The following OR4D1 variants were observed in gnomAD, a reference collection of about 807,000 sequenced individuals.
OR4D1 encodes the protein olfactory receptor family 4 subfamily D member 1.
Under a neutral mutation model 14.2 loss-of-function variants are expected in OR4D1, and 10 were observed. The observed-to-expected ratio is 0.71, with a 90% CI of 0.44 to 1.20. The LOEUF (loss-of-function observed/expected upper bound fraction) is 1.20, where lower values mean the gene tolerates loss of function less well. OR4D1 is among the 50% of genes most tolerant of loss of function. The probability of loss-of-function intolerance (pLI) is 0.00; values close to 1 mark genes in which losing one functional copy is unlikely to be tolerated. For missense variants in OR4D1, 345 were observed against 376.6 expected (o/e 0.92, Z 0.70); for synonymous variants, 141 against 147.4 (o/e 0.96, Z 0.32).
rs753056210 is a variant in OR4D1 at position 58,155,940 on chromosome 17, A to G, written c.787A>G (p.Thr263Ala). 5 of 1,613,544 alleles carry G rather than the reference A, an allele frequency of 3.1e-6. No homozygotes were observed. The highest frequency in any genetic ancestry group is 4.2e-6 in the Non-Finnish European group (5 of 1,179,916). Reference sequence around the variant, plus strand: ...TATCTATATCTATACCTGGCCCTTCACCCCATTCCTCATGGACAAGGCTGT... The same window carrying G: ...TATCTATATCTATACCTGGCCCTTCGCCCCATTCCTCATGGACAAGGCTGT... ...PCIYIYTWPF[T>A]PFLMDKAVSI... The change falls in exon 4 of 4, where the codon ACC becomes GCC. Residue 263 changes from threonine to alanine, a missense_variant. Coordinates refer to ENST00000268912, the MANE Select transcript of OR4D1 (RefSeq NM_001386095.1).
Position 58,157,304 on chromosome 17 carries a change from C to T in OR4D1, c.*1218C>T. 1 of 1,507,156 alleles carries T rather than the reference C, an allele frequency of 6.6e-7. No individual in the cohort carries two copies. The allele number at this position is 1,507,156 out of a possible 1,614,324, so 93.4% of individuals were successfully genotyped here. On this transcript the variant is annotated 3_prime_UTR_variant, in exon 4 of 4. Transcript: ENST00000268912. ...CGCTGATCAAGCCCTTCGAGACCGC[C>T]TCGGTCAAGTGGGAAAACTCCCTAA...
chr17:58,157,019 A>C lies in OR4D1; in HGVS notation c.*933A>C. On this transcript the variant is annotated 3_prime_UTR_variant, in exon 4 of 4. Transcript: ENST00000268912. ...GGGAGCTACGTAGGGCAGGGAAGGC[A>C]TGGCTTCTGTTTTCGTCCAATGAGA... The C allele has an allele frequency of 3.2e-6, 3 of 942,654 alleles. No homozygotes were observed. The highest frequency in any genetic ancestry group is 1.6e-6 in the Non-Finnish European group (1 of 611,394). 58.4% of individuals were successfully genotyped at this position (942,654 alleles called of 1,614,324 possible).
In OR4D1 at chr17:58,157,683, C is replaced by G. The variant is rs1967794167; in HGVS notation, c.*1597C>G. 1 of 1,613,790 alleles carries G rather than the reference C, an allele frequency of 6.2e-7. No homozygotes were observed. The highest frequency in any genetic ancestry group is 8.5e-7 in the Non-Finnish European group (1 of 1,179,834). ...TTCAGTCTCCCTTTCCCCATCAGCTCGCCCCTGCAGGCAGCGTCCATATAC... is the reference window on the plus strand; with the variant it reads ...TTCAGTCTCCCTTTCCCCATCAGCTGGCCCCTGCAGGCAGCGTCCATATAC... On this transcript the variant is annotated 3_prime_UTR_variant, in exon 4 of 4. Coordinates refer to ENST00000268912, the MANE Select transcript of OR4D1 (RefSeq NM_001386095.1).
rs1346032113 is a variant in OR4D1 at position 58,158,696 on chromosome 17, G to A, written c.*2610G>A. On this transcript the variant is annotated 3_prime_UTR_variant, in exon 4 of 4. Coordinates refer to ENST00000268912, the MANE Select transcript of OR4D1 (RefSeq NM_001386095.1). ...AATACTAGGTACTTTCATCCTCACA[G>A]ATTGCAAAGATTATTTGGGTGGGGG... is the stretch of plus-strand genomic sequence containing the variant. 6.6e-6 allele frequency: 1 copy of A among 152,098 alleles called. No homozygotes were observed. Among genetic ancestry groups the A allele is most frequent in the Non-Finnish European group, 1.5e-5 (1 of 68,014 alleles). The allele number at this position is 152,098 out of a possible 1,614,324, so 9.4% of individuals were successfully genotyped here. A position where few individuals can be genotyped will look rare whatever the true frequency, so the allele number is the denominator to read the frequency against.
Position 58,150,142 on chromosome 17 carries a change from T to G in OR4D1, c.-127+346T>G, listed in dbSNP as rs192610658. 4.6e-5 allele frequency among the ~76,000 whole-genome samples: 7 copies of G among 152,348 alleles called. No homozygotes were observed. In the East Asian group the frequency reaches 1.3e-3, roughly 29 times the overall value. ...TTACCATTACTACAATTACAATAAA[T>G]GCTTACTACTACTACTATTAAGTGG... On this transcript the variant is annotated intron_variant, in intron 2 of 3. Coordinates refer to ENST00000268912, the MANE Select transcript of OR4D1 (RefSeq NM_001386095.1).
Position 58,157,524 on chromosome 17 carries a change from T to C in OR4D1, c.*1438T>C. 3.0e-6 allele frequency: 4 copies of C among 1,355,690 alleles called. No individual in the cohort carries two copies. Among genetic ancestry groups the C allele is most frequent in the Non-Finnish European group, 4.2e-6 (4 of 945,830 alleles). The allele number at this position is 1,355,690 out of a possible 1,614,324, so 84.0% of individuals were successfully genotyped here. A position where few individuals can be genotyped will look rare whatever the true frequency, so the allele number is the denominator to read the frequency against. On this transcript the variant is annotated 3_prime_UTR_variant, in exon 4 of 4. Transcript: ENST00000268912. ...CTCTCCATTGCAGAGGGTGCGGACT[T>C]CTCCAGCTCTCCGAACCTCACGGAG...
At chr17:58,151,434 G>A (rs9892354) in intron 2 of OR4D1, among the ~76,000 whole-genome samples, 81,048 of 151,766 alleles carry the variant, frequency 0.53, 22,965 homozygotes, top group East Asian at 0.84. Flanking sequence ...CCCCCCTGAC[G>A]GGCCCCAGTG....
chr17:58,152,665 T>C (rs116601387), intron 2 of OR4D1, among the ~76,000 whole-genome samples: 3,581 of 152,300 alleles, frequency 0.024, 141 homozygotes, highest in African/African-American at 0.08. Flanking sequence ...CTGGGTGCAG[T>C]GGCTCACACC....
chr17:58,157,253 C>T lies in OR4D1; in HGVS notation c.*1167C>T. 6.8e-7 allele frequency: 1 copy of T among 1,466,984 alleles called. No individual in the cohort carries two copies. The highest frequency in any genetic ancestry group is 9.0e-7 in the Non-Finnish European group (1 of 1,111,166). 90.9% of individuals were successfully genotyped at this position (1,466,984 alleles called of 1,614,324 possible). ...GGCTACTGCTGCTGCCGGGGCACGG[C>T]GCTCGGGAAGCGCACAGCCCCGGGC... On this transcript the variant is annotated 3_prime_UTR_variant, in exon 4 of 4. Coordinates refer to ENST00000268912, the MANE Select transcript of OR4D1 (RefSeq NM_001386095.1).
rs1967817710 is a variant in OR4D1 at position 58,159,060 on chromosome 17, G to A, written c.*2974G>A. On this transcript the variant is annotated 3_prime_UTR_variant, in exon 4 of 4. Coordinates refer to ENST00000268912, the MANE Select transcript of OR4D1 (RefSeq NM_001386095.1). ...ACAATTGTATATATTTTATTGAAGA[G>A]TTATTATATCTTATTCTGAATTAAA... is the stretch of plus-strand genomic sequence containing the variant. 1 of 151,982 alleles carries A rather than the reference G, an allele frequency of 6.6e-6. No homozygotes were observed. Among genetic ancestry groups the A allele is most frequent in the Non-Finnish European group, 1.5e-5 (1 of 67,998 alleles). 9.4% of individuals were successfully genotyped at this position (151,982 alleles called of 1,614,324 possible).
rs1322095101 is a variant in OR4D1, at chr17:58,151,692, G to A, written c.-127+1896G>A. ...TCCCATGGTAAAATCAAATCCCATA[G>A]AGTTAAACATCCTTTTAGGATATAT... On this transcript the variant is annotated intron_variant, in intron 2 of 3. Coordinates refer to ENST00000268912, the MANE Select transcript of OR4D1 (RefSeq NM_001386095.1). Among the ~76,000 whole-genome samples the A allele has an allele frequency of 2.0e-5, 3 of 152,292 alleles. No individual in the cohort carries two copies. In the South Asian group the frequency reaches 6.2e-4, roughly 32 times the overall value.
In OR4D1 at chr17:58,155,527, C is replaced by T. The variant is rs1385219308; in HGVS notation, c.374C>T (p.Ala125Val). ...GTCATGGCCTATGACCGCTACATAG[C>T]CATCTCCCAGCCCCTCCGGTATGTC... Reference protein sequence around the residue: ...LSVMAYDRYIAISQPLRYVTI... With the variant: ...LSVMAYDRYIVISQPLRYVTI... Residue 125 changes from alanine (A) to valine (V), a missense_variant, in exon 4 of 4, where the codon GCC becomes GTC. Coordinates refer to ENST00000268912, the MANE Select transcript of OR4D1 (RefSeq NM_001386095.1). The T allele has an allele frequency of 1.2e-6, 2 of 1,614,156 alleles. No homozygotes were observed. The highest frequency in any genetic ancestry group is 1.1e-5 in the South Asian group (1 of 91,080).
At position 58,156,176 on chromosome 17, in the gene OR4D1, C is replaced by A; in HGVS notation, c.*90C>A. ...GGAGGAAAGTCTTTATAAAGCATAA[C>A]AAATCAGATTACACTTATATTTCTT... On this transcript the variant is annotated 3_prime_UTR_variant, in exon 4 of 4. Transcript: ENST00000268912. The A allele has an allele frequency of 1.2e-6, 1 of 850,186 alleles. No individual in the cohort carries two copies. Among genetic ancestry groups the A allele is most frequent in the Non-Finnish European group, 1.8e-6 (1 of 559,266 alleles). 52.7% of individuals were successfully genotyped at this position (850,186 alleles called of 1,614,324 possible). A position where few individuals can be genotyped will look rare whatever the true frequency, so the allele number is the denominator to read the frequency against.
chr17:58,155,423 G>A lies in OR4D1; in HGVS notation c.270G>A (p.Lys90=). Residue 90 remains lysine (K), a synonymous_variant, in exon 4 of 4, where the codon AAG becomes AAA. Transcript: ENST00000268912. ...TGGTGGACTTCCTCCATGAGACCAA[G>A]ACGATCTCCTACCAGGGCTGCATGG... The part of the protein sequence containing the change: ...KMLVDFLHET[K]TISYQGCMAQ... The A allele has an allele frequency of 6.2e-7, 1 of 1,614,196 alleles. No individual in the cohort carries two copies. The highest frequency in any genetic ancestry group is 8.5e-7 in the Non-Finnish European group (1 of 1,180,036).
rs913056973 is a variant in OR4D1 at position 58,156,254 on chromosome 17, CTT to C, written c.*182_*183del. 0.025 allele frequency: 11,813 copies of C among 473,712 alleles called. No homozygotes were observed. Among genetic ancestry groups the C allele is most frequent in the South Asian group, 0.032 (1,073 of 33,690 alleles). The allele number at this position is 473,712 out of a possible 1,614,324, so 29.3% of individuals were successfully genotyped here. A position where few individuals can be genotyped will look rare whatever the true frequency, so the allele number is the denominator to read the frequency against. ...TGTTAAGCACTTCCACGCTTTTTTT[CTT>C]TTTTTTTTTTTTTAGATGGAGCCTT... On this transcript the variant is annotated 3_prime_UTR_variant, in exon 4 of 4. Transcript: ENST00000268912.
At chr17:58,154,899 C>T (rs1015231250) in intron 3 of OR4D1, among the ~76,000 whole-genome samples, 8 of 152,034 alleles carry the variant, frequency 5.3e-5, no homozygotes, top group Non-Finnish European at 7.4e-5. Flanking sequence ...ACAGCATGGC[C>T]GAAGGGAAAA....
Position 58,157,105 on chromosome 17 carries a change from A to G in OR4D1, c.*1019A>G. 6.8e-7 allele frequency: 1 copy of G among 1,466,696 alleles called. No individual in the cohort carries two copies. Among genetic ancestry groups the G allele is most frequent in the South Asian group, 1.3e-5 (1 of 78,666 alleles). The allele number at this position is 1,466,696 out of a possible 1,614,324, so 90.9% of individuals were successfully genotyped here. A position where few individuals can be genotyped will look rare whatever the true frequency, so the allele number is the denominator to read the frequency against. ...CCTGGGGACGCCGAGGCGGCCGCGG[A>G]GGAGCGCCGCGTCAAGGTCTCCAGC... On this transcript the variant is annotated 3_prime_UTR_variant, in exon 4 of 4. Coordinates refer to ENST00000268912, the MANE Select transcript of OR4D1 (RefSeq NM_001386095.1).
In OR4D1 at chr17:58,157,459, G is replaced by A; in HGVS notation, c.*1373G>A. On this transcript the variant is annotated 3_prime_UTR_variant, in exon 4 of 4. Coordinates refer to ENST00000268912, the MANE Select transcript of OR4D1 (RefSeq NM_001386095.1). The stretch of plus-strand genomic sequence containing the variant: ...CGCGCACAGCCTTTACCACGTCCCA[G>A]CTCCTCGCTCTGGAGGGCAAGTTGC... 2 of 1,109,250 alleles carry A rather than the reference G, an allele frequency of 1.8e-6. No individual in the cohort carries two copies. The highest frequency in any genetic ancestry group is 1.8e-5 in the Admixed American group (1 of 56,038). 68.7% of individuals were successfully genotyped at this position (1,109,250 alleles called of 1,614,324 possible).
intron 2 of OR4D1, among the ~76,000 whole-genome samples, chr17:58,153,221 GGTGT>G (rs1218344642): frequency 6.6e-6 from 1 of 152,146 alleles, no homozygotes. Flanking sequence ...CTCCAGGAAG[GGTGT>G]GTACTACCCT....
Sources: allele counts gnomAD v4.1 joint callset (sites outside exome capture counted in the v4.1 genomes callset), GRCh38; gene constraint gnomAD v4.1.1; transcripts MANE v1.5; gene names NCBI Gene and HGNC (gene_info 2026-07-23, HGNC 2026-07-21).